HECW2: variants seen among roughly 807,000 people sequenced by gnomAD.
The protein encoded by HECW2 is HECT, C2 and WW domain containing E3 ubiquitin protein ligase 2.
In HECW2, 61 loss-of-function variants were observed where a neutral mutation model predicts 175.2. The ratio of observed to expected loss-of-function variants is 0.35; its 90% confidence interval spans 0.28 to 0.43. The LOEUF is 0.43. Among genes scored for constraint, HECW2 ranks in the 20% least tolerant of loss-of-function variants. The pLI, the probability that HECW2 is intolerant of heterozygous loss-of-function variation, is 1.00. For missense variants in HECW2, 1,524 were observed against 2,000.5 expected, an observed-to-expected ratio of 0.76 and a Z score of 4.54; for synonymous variants, 671 against 731.0, an observed-to-expected ratio of 0.92 and a Z score of 1.32.
At chr2:196,459,784 A>C (rs1474858953) in intron 1 of HECW2, among the ~76,000 whole-genome samples, 1 of 152,204 alleles carries the variant, frequency 6.6e-6, no homozygotes, top group Non-Finnish European at 1.5e-5. Flanking sequence ...GAGGATGTGC[A>C]GGGAGGGGTT....
rs1047246360 is a variant in HECW2, at chr2:196,238,559, T to G, written c.3764+1890A>C. 4.6e-5 allele frequency: 7 copies of G among 152,294 alleles called. No homozygotes were observed. The South Asian group carries it at 1.4e-3, about 32-fold the overall frequency. The allele number at this position is 152,294 out of a possible 1,614,324, so 9.4% of individuals were successfully genotyped here. ...GGTACCTCAATAGCAAATTAAAGTC[T>G]ATATCTAATAATTTATGATACTGAC... On this transcript the variant is annotated intron_variant, in intron 21 of 28. Transcript: ENST00000644978.
intron 2 of HECW2, among the ~76,000 whole-genome samples, chr2:196,346,871 G>C (rs1389680683): frequency 6.6e-6 from 1 of 151,160 alleles, no homozygotes; most frequent in Non-Finnish European, 1.5e-5. Flanking sequence ...AGCTGGGCGT[G>C]GTGACAGGCG....
In HECW2 at chr2:196,334,517, C is replaced by A; in HGVS notation, c.402G>T (p.Pro134=). Residue 134 remains proline, a splice_region_variant and synonymous_variant, in exon 4 of 29, where the codon CCG becomes CCT. Transcript: ENST00000644978. The part of the protein sequence containing the change: ...RIEPGPYFME[P]EIKICFKYYH... ...AATATTTAAAACAGATTTTTATCTC[C>A]GCTGCAAAGCAATTGGAGAAAACAG... The A allele has an allele frequency of 6.3e-7, 1 of 1,591,174 alleles. No homozygotes were observed. The highest frequency in any genetic ancestry group is 2.3e-5 in the East Asian group (1 of 43,948).
At chr2:196,593,450 C>G (rs1469237703) in intron 1 of HECW2, 58 bp downstream of exon 1, 1 of 152,108 alleles carries the variant, frequency 6.6e-6, no homozygotes, top group African/African-American at 2.4e-5. Flanking sequence ...GGGTGCCGGG[C>G]GTCCGCTCCA....
At chr2:196,500,378 T>G (rs1412909673) in intron 1 of HECW2, among the ~76,000 whole-genome samples, 1 of 152,142 alleles carries the variant, frequency 6.6e-6, no homozygotes. Flanking sequence ...CATACATACA[T>G]GCATACATAC....
At chr2:196,560,394 C>A (rs1689956600) in intron 1 of HECW2, among the ~76,000 whole-genome samples, 1 of 152,140 alleles carries the variant, frequency 6.6e-6, no homozygotes, top group African/African-American at 2.4e-5. Flanking sequence ...GATCTGCCCA[C>A]CTCGGGCCTC....
intron 1 of HECW2, among the ~76,000 whole-genome samples, chr2:196,590,677 T>A (rs915247854): frequency 6.6e-6 from 1 of 152,192 alleles, no homozygotes; most frequent in Admixed American, 6.5e-5. Context: ...TAGGCACATA[T>A]TAAAACTGGG....
At chr2:196,293,423 T>G (rs1023618661) in intron 13 of HECW2, among the ~76,000 whole-genome samples, 8 of 152,222 alleles carry the variant, frequency 5.3e-5, no homozygotes, top group African/African-American at 1.9e-4. Context: ...TTGGGTTGAT[T>G]CCATGTCTTT....
intron 13 of HECW2, among the ~76,000 whole-genome samples, chr2:196,294,600 TA>T (rs1368104752): frequency 6.6e-6 from 1 of 152,246 alleles, no homozygotes; most frequent in Non-Finnish European, 1.5e-5. Context: ...TTCATTTTAA[TA>T]AACATTTATT....
intron 2 of HECW2, among the ~76,000 whole-genome samples, chr2:196,357,603 C>T (rs1265215020): frequency 1.3e-5 from 2 of 152,172 alleles, no homozygotes; most frequent in Non-Finnish European, 1.5e-5. Flanking sequence ...CAAAGTTTGG[C>T]TCTGTGTCCC....
chr2:196,252,963 C>T (rs1426455027), intron 19 of HECW2, among the ~76,000 whole-genome samples: 3 of 152,350 alleles, frequency 2.0e-5, no homozygotes, highest in Admixed American at 2.0e-4. Context: ...TGTTGACTCA[C>T]TGCCACACCA....
At chr2:196,266,443 T>C (rs979234558) in intron 17 of HECW2, among the ~76,000 whole-genome samples, 2 of 152,250 alleles carry the variant, frequency 1.3e-5, no homozygotes, top group Non-Finnish European at 2.9e-5. Context: ...GATTTGCTAT[T>C]ATTTAAGTTT....
chr2:196,580,383 A>C (rs531426006), intron 1 of HECW2, among the ~76,000 whole-genome samples: 22 of 152,212 alleles, frequency 1.4e-4, no homozygotes, highest in Non-Finnish European at 2.9e-4. Context: ...ACTATCAATA[A>C]AGTGAAAAAA....
chr2:196,432,642 G>A (rs927932782), intron 2 of HECW2, among the ~76,000 whole-genome samples: 3 of 152,164 alleles, frequency 2.0e-5, no homozygotes, highest in Admixed American at 6.5e-5. Flanking sequence ...ATCTAGAACA[G>A]AGTCATGAAA....
chr2:196,511,716 T>C (rs747013567), intron 1 of HECW2, among the ~76,000 whole-genome samples: 15 of 152,126 alleles, frequency 9.9e-5, no homozygotes, highest in South Asian at 2.1e-4. Context: ...AAGGTTAGTA[T>C]TGCATGAGAA....
chr2:196,263,745 G>A (rs1689401291), intron 17 of HECW2: 1 of 152,214 alleles, frequency 6.6e-6, no homozygotes, highest in African/African-American at 2.4e-5. Flanking sequence ...AGCCACATGT[G>A]TAGGGACAAA....
intron 13 of HECW2, among the ~76,000 whole-genome samples, chr2:196,301,251 C>T (rs1273037802): frequency 6.6e-6 from 1 of 152,126 alleles, no homozygotes; most frequent in Non-Finnish European, 1.5e-5. Flanking sequence ...TATATATGTA[C>T]CACATTTTCT....
chr2:196,308,096 G>T lies in HECW2; in HGVS notation c.2435-11C>A, dbSNP rs1691338324. The T allele has an allele frequency of 1.3e-6, 2 of 1,550,328 alleles. No individual in the cohort carries two copies. On this transcript the variant is annotated splice_polypyrimidine_tract_variant and intron_variant, in intron 10 of 28. Transcript: ENST00000644978. ...TGCGTGCCTCCCAGTCTAAATGGCAGTGAGGCACCGAAAGGAATTAGGAGG... is the reference window on the plus strand; with the variant it reads ...TGCGTGCCTCCCAGTCTAAATGGCATTGAGGCACCGAAAGGAATTAGGAGG...
At chr2:196,573,423 AC>A (rs1690454049) in intron 1 of HECW2, among the ~76,000 whole-genome samples, 1 of 152,118 alleles carries the variant, frequency 6.6e-6, no homozygotes, top group East Asian at 1.9e-4. Context: ...CCCCAGCATC[AC>A]AGGACCCTTG....
Sources: allele counts gnomAD v4.1 joint callset (sites outside exome capture counted in the v4.1 genomes callset), GRCh38; gene constraint gnomAD v4.1.1; transcripts MANE v1.5; gene names NCBI Gene and HGNC (gene_info 2026-07-23, HGNC 2026-07-21).